Variants in GRIA3 observed in about 807,000 individuals in gnomAD.
The protein encoded by GRIA3 is glutamate ionotropic receptor AMPA type subunit 3.
GRIA3 carries 3 observed loss-of-function variants against 63.0 expected under a neutral mutation model. The observed-to-expected ratio is 0.05, with a 90% confidence interval of 0.02 to 0.12. The LOEUF (loss-of-function observed/expected upper bound fraction) is 0.12. GRIA3 is among the 10% of genes least tolerant of loss of function. The pLI is 1.00. For missense variants in GRIA3, 347 were observed against 700.9 expected (o/e 0.50, Z 5.70); for synonymous variants, 274 against 257.9 (o/e 1.06, Z -0.60).
At chrX:123,410,929 T>A (rs1254063473) in intron 10 of GRIA3, among the ~76,000 whole-genome samples, 1 of 112,041 alleles carries the variant, frequency 8.9e-6, no homozygotes, top group Admixed American at 9.5e-5. Context: ...AATCAATAGA[T>A]CCAGTCGGGG....
At chrX:123,383,485 C>A (rs746366736) in intron 5 of GRIA3, among the ~76,000 whole-genome samples, 1 of 111,299 alleles carries the variant, frequency 9.0e-6, no homozygotes, top group East Asian at 2.8e-4. Flanking sequence ...CTCTCTACTT[C>A]CGTGAGATCA....
intron 5 of GRIA3, among the ~76,000 whole-genome samples, chrX:123,363,390 T>C (rs1232038368): frequency 3.6e-5 from 4 of 112,643 alleles, no homozygotes; most frequent in African/African-American, 1.3e-4. Context: ...TAAATGCACT[T>C]AATGTAAGCC....
intron 12 of GRIA3, among the ~76,000 whole-genome samples, chrX:123,448,675 C>T (rs2045715222): frequency 8.9e-6 from 1 of 112,086 alleles, no homozygotes; most frequent in African/African-American, 3.2e-5. Context: ...ATTTCAAGTG[C>T]TCAATAGACA....
intron 2 of GRIA3, among the ~76,000 whole-genome samples, chrX:123,190,604 C>A (rs770167157): frequency 3.6e-5 from 4 of 111,112 alleles, no homozygotes; most frequent in Admixed American, 9.6e-5. Flanking sequence ...GGGACAGCAG[C>A]AAGAAGGGTT....
chrX:123,198,428 T>C (rs1208821016), intron 2 of GRIA3, among the ~76,000 whole-genome samples: 4 of 112,293 alleles, frequency 3.6e-5, no homozygotes, highest in East Asian at 5.6e-4. Flanking sequence ...GTCTAACATA[T>C]GTGTTCAATA....
chrX:123,260,407 AGACAGAC>A (rs2044445907), intron 3 of GRIA3, among the ~76,000 whole-genome samples: 9 of 8,303 alleles, frequency 1.1e-3, no homozygotes, highest in South Asian at 0.023. Context: ...AAAGAAAGAC[AGACAGAC>A]AGACAGACAG....
At chrX:123,265,466 AAAG>A (rs2044482484) in intron 3 of GRIA3, among the ~76,000 whole-genome samples, 1 of 112,310 alleles carries the variant, frequency 8.9e-6, no homozygotes, top group African/African-American at 3.2e-5. Flanking sequence ...AGAAAATCAT[AAAG>A]AAGAGAAAAT....
At chrX:123,431,533 T>C (rs1019251855) in intron 12 of GRIA3, among the ~76,000 whole-genome samples, 43 of 111,845 alleles carry the variant, frequency 3.8e-4, no homozygotes, top group African/African-American at 1.3e-3. Flanking sequence ...CAAAACTATA[T>C]ATCCCAACCA....
At chrX:123,486,946 G>A (rs775445599) in intron 15 of GRIA3, among the ~76,000 whole-genome samples, 10 of 112,445 alleles carry the variant, frequency 8.9e-5, no homozygotes, top group Non-Finnish European at 1.7e-4. Flanking sequence ...GTGAAATCTG[G>A]TTAATAAAAG....
intron 4 of GRIA3, among the ~76,000 whole-genome samples, chrX:123,345,479 C>T (rs2045041496): frequency 9.2e-6 from 1 of 108,709 alleles, no homozygotes; most frequent in Non-Finnish European, 1.9e-5. Context: ...CACACACACA[C>T]ACACACACAC....
At chrX:123,293,103 G>A (rs2044665543) in intron 3 of GRIA3, among the ~76,000 whole-genome samples, 1 of 110,312 alleles carries the variant, frequency 9.1e-6, no homozygotes, top group Non-Finnish European at 1.9e-5. Flanking sequence ...AACTCAGTGA[G>A]GTGCACCAGA....
At chrX:123,218,896 C>T (rs1379299199) in intron 2 of GRIA3, among the ~76,000 whole-genome samples, 1 of 112,080 alleles carries the variant, frequency 8.9e-6, no homozygotes, top group Non-Finnish European at 1.9e-5. Flanking sequence ...GGCTAATGAG[C>T]TAAAGTGGTA....
chrX:123,319,622 T>G (rs1300907366), intron 3 of GRIA3, among the ~76,000 whole-genome samples: 3 of 111,627 alleles, frequency 2.7e-5, no homozygotes, highest in Non-Finnish European at 3.8e-5. Flanking sequence ...CATCTGGGTT[T>G]GCTTCCCACA....
At chrX:123,459,464 G>A (rs1277646026) in intron 12 of GRIA3, among the ~76,000 whole-genome samples, 3 of 111,724 alleles carry the variant, frequency 2.7e-5, no homozygotes, top group East Asian at 2.8e-4. Context: ...GATGTATTAC[G>A]AATAGTTAGA....
chrX:123,285,577 CAAAAAAAAAAAAAAA>C (rs59101106), intron 3 of GRIA3, among the ~76,000 whole-genome samples: 1 of 10,171 alleles, frequency 9.8e-5, no homozygotes, highest in Non-Finnish European at 1.6e-4. Flanking sequence ...AAATGAAAAG[CAAAAAAAAAAAAAAA>C]AAAAAAAAAA....
chrX:123,264,264 TAG>T (rs2044475618), intron 3 of GRIA3, among the ~76,000 whole-genome samples: 1 of 112,203 alleles, frequency 8.9e-6, no homozygotes, highest in Non-Finnish European at 1.9e-5. Context: ...TGGTTTCATA[TAG>T]AGTCTCTAAC....
chrX:123,307,990 G>C (rs2044765797), intron 3 of GRIA3, among the ~76,000 whole-genome samples: 1 of 111,334 alleles, frequency 9.0e-6, no homozygotes, highest in African/African-American at 3.3e-5. Flanking sequence ...GTATGTCCTA[G>C]ATCCATCTAC....
At chrX:123,308,468 C>A (rs2044769015) in intron 3 of GRIA3, among the ~76,000 whole-genome samples, 1 of 111,781 alleles carries the variant, frequency 8.9e-6, no homozygotes, top group Admixed American at 9.5e-5. Context: ...AACATATGCT[C>A]ATTTCCCAAA....
At chrX:123,347,102 G>GC (rs2045055533) in intron 4 of GRIA3, among the ~76,000 whole-genome samples, 1 of 112,094 alleles carries the variant, frequency 8.9e-6, no homozygotes, top group Non-Finnish European at 1.9e-5. Context: ...GCTTTCAAGA[G>GC]CCCCCTGTAT....
Sources: allele counts gnomAD v4.1 joint callset (sites outside exome capture counted in the v4.1 genomes callset), GRCh38; gene constraint gnomAD v4.1.1; transcripts MANE v1.5; gene names NCBI Gene and HGNC (gene_info 2026-07-23, HGNC 2026-07-21).